The following PDE4D variants were observed in gnomAD, a reference collection of about 807,000 sequenced individuals.
The protein encoded by PDE4D is 3',5'-cyclic-AMP phosphodiesterase 4D.
A neutral mutation model predicts 87.4 loss-of-function variants in PDE4D; 24 were observed. That is an observed-to-expected ratio of 0.27 (90% confidence interval 0.20 to 0.39). The LOEUF (loss-of-function observed/expected upper bound fraction) is 0.39. PDE4D is among the 10% of genes least tolerant of loss of function. The pLI, the probability that PDE4D is intolerant of heterozygous loss-of-function variation, is 1.00. For missense variants in PDE4D, 714 were observed against 1,041.0 expected (o/e 0.69, Z 4.32); for synonymous variants, 384 against 383.2 (o/e 1.00, Z -0.02).
intron 1 of PDE4D, chr5:60,431,188 C>G (rs1429058785): frequency 5.1e-6 from 1 of 195,556 alleles, no homozygotes; most frequent in Non-Finnish European, 1.0e-5. Flanking sequence ...CCCCACCTCC[C>G]TCCCAGACAG....
chr5:60,042,342 C>G (rs988051508), intron 2 of PDE4D, among the ~76,000 whole-genome samples: 1 of 152,190 alleles, frequency 6.6e-6, no homozygotes, highest in African/African-American at 2.4e-5. Context: ...GACAGAGCAC[C>G]TGGGGGAAGG....
intron 3 of PDE4D, among the ~76,000 whole-genome samples, chr5:59,958,558 T>C (rs555363882): frequency 3.9e-5 from 6 of 152,258 alleles, no homozygotes; most frequent in East Asian, 1.9e-4. Context: ...AAAGAACTTA[T>C]AGTGAATTGA....
At chr5:60,158,779 C>G (rs1301818593) in intron 2 of PDE4D, among the ~76,000 whole-genome samples, 1 of 152,116 alleles carries the variant, frequency 6.6e-6, no homozygotes, top group Non-Finnish European at 1.5e-5. Flanking sequence ...CCGTGCTAGC[C>G]AGAATGGTCT....
At chr5:60,097,457 T>A (rs939679333) in intron 2 of PDE4D, among the ~76,000 whole-genome samples, 2 of 152,074 alleles carry the variant, frequency 1.3e-5, no homozygotes, top group African/African-American at 4.8e-5. Flanking sequence ...AATTGTGAAC[T>A]GTTTTTCTGA....
chr5:59,045,747 A>C (rs1760517988), intron 5 of PDE4D, among the ~76,000 whole-genome samples: 1 of 152,200 alleles, frequency 6.6e-6, no homozygotes, highest in Non-Finnish European at 1.5e-5. Flanking sequence ...AGAGTGACTC[A>C]GAGTACTGTG....
At chr5:60,146,624 T>C (rs764524826) in intron 2 of PDE4D, among the ~76,000 whole-genome samples, 5 of 152,118 alleles carry the variant, frequency 3.3e-5, no homozygotes, top group Admixed American at 6.5e-5. Context: ...TGTACATAAA[T>C]GGGAATGCAT....
chr5:59,231,227 C>T (rs924063518), intron 1 of PDE4D, among the ~76,000 whole-genome samples: 1 of 152,106 alleles, frequency 6.6e-6, no homozygotes, highest in Non-Finnish European at 1.5e-5. Context: ...GACAAAATGA[C>T]CTTGGGAAAG....
chr5:59,827,704 G>T (rs997566659), intron 1 of PDE4D, among the ~76,000 whole-genome samples: 3 of 152,114 alleles, frequency 2.0e-5, no homozygotes, highest in African/African-American at 7.2e-5. Flanking sequence ...GAGAGATGAT[G>T]CTGGGTGCTC....
At chr5:60,319,813 C>A (rs924361029) in intron 1 of PDE4D, among the ~76,000 whole-genome samples, 18 of 152,210 alleles carry the variant, frequency 1.2e-4, no homozygotes, top group Non-Finnish European at 2.5e-4. Context: ...TGGTGAGCAG[C>A]AAATGTTGCT....
intron 1 of PDE4D, among the ~76,000 whole-genome samples, chr5:59,293,250 AGTT>A (rs1246528313): frequency 6.6e-6 from 1 of 152,156 alleles, no homozygotes; most frequent in Non-Finnish European, 1.5e-5. Context: ...AAATGATTCT[AGTT>A]GTGTTAAATC....
chr5:60,204,286 T>TA (rs1473483622), intron 1 of PDE4D, among the ~76,000 whole-genome samples: 2 of 152,342 alleles, frequency 1.3e-5, no homozygotes, highest in East Asian at 3.9e-4. Flanking sequence ...TATCTGTCTC[T>TA]ATCTGTCATC....
intron 11 of PDE4D, 61 bp from the exon 12 acceptor site, chr5:58,977,406 C>G (rs1282925478): frequency 1.0e-5 from 15 of 1,495,608 alleles, no homozygotes; most frequent in Non-Finnish European, 1.4e-5. Flanking sequence ...TTATCTGATT[C>G]TTAAAATTCT....
In PDE4D at chr5:59,154,875, G is replaced by A. The variant is rs563705561; in HGVS notation, c.808+25720C>T. 1.4e-3 allele frequency among the ~76,000 whole-genome samples: 220 copies of A among 152,268 alleles called. 1 individual carries two copies. The highest frequency in any genetic ancestry group is 2.8e-3 in the Admixed American group (43 of 15,282). On this transcript the variant is annotated intron_variant, in intron 5 of 14. Transcript: ENST00000340635. Reference sequence around the variant, plus strand: ...CACTCCATCCTGGGCAACAGAGTGAGACAACTCTGTTTCAAAAATATATAT... The same window carrying A: ...CACTCCATCCTGGGCAACAGAGTGAAACAACTCTGTTTCAAAAATATATAT...
chr5:59,053,370 C>T lies in PDE4D; in HGVS notation c.809-14399G>A, dbSNP rs1580538437. Among the ~76,000 whole-genome samples, 6 of 66,044 alleles carry T rather than the reference C, an allele frequency of 9.1e-5. No homozygotes were observed. The Admixed American group carries it at 1.0e-3, about 11-fold the overall frequency. 43.3% of individuals were successfully genotyped at this position (66,044 alleles called of 152,430 possible). On this transcript the variant is annotated intron_variant, in intron 5 of 14. Coordinates refer to ENST00000340635, the MANE Select transcript of PDE4D (RefSeq NM_001104631.2). Reference sequence around the variant, plus strand: ...AACATAATGGGTGTACATACACACACACACACACACACACACACACACACA... The same window carrying T: ...AACATAATGGGTGTACATACACACATACACACACACACACACACACACACA...
intron 1 of PDE4D, among the ~76,000 whole-genome samples, chr5:59,635,559 T>A (rs567498493): frequency 9.3e-4 from 141 of 152,316 alleles, no homozygotes; most frequent in African/African-American, 3.3e-3. Context: ...GTCGGCTTCA[T>A]CCCTGGGATG....
intron 1 of PDE4D, among the ~76,000 whole-genome samples, chr5:59,721,187 A>G (rs1457333511): frequency 6.6e-6 from 1 of 152,212 alleles, no homozygotes; most frequent in African/African-American, 2.4e-5. Flanking sequence ...GTTATAGCCC[A>G]AACTGACCTC....
chr5:60,053,286 A>C (rs928297874), intron 2 of PDE4D, among the ~76,000 whole-genome samples: 1 of 152,220 alleles, frequency 6.6e-6, no homozygotes, highest in African/African-American at 2.4e-5. Context: ...CCTGACTTCA[A>C]ACTATACTGC....
At chr5:59,716,566 G>C (rs1484004735) in intron 1 of PDE4D, among the ~76,000 whole-genome samples, 1 of 152,194 alleles carries the variant, frequency 6.6e-6, no homozygotes, top group East Asian at 1.9e-4. Flanking sequence ...CTTACTTTAA[G>C]ATCCAGCAAT....
intron 1 of PDE4D, among the ~76,000 whole-genome samples, chr5:60,416,538 G>A (rs577971163): frequency 3.9e-5 from 6 of 151,948 alleles, no homozygotes; most frequent in Non-Finnish European, 5.9e-5. Flanking sequence ...CACTCACCGC[G>A]AAGGTCTGCA....
Sources: gnomAD v4.1 joint callset for allele counts (sites outside exome capture counted in the v4.1 genomes callset) on GRCh38, gnomAD v4.1.1 for gene constraint, MANE v1.5 for transcripts, NCBI Gene and HGNC (gene_info 2026-07-23, HGNC 2026-07-21) for gene names.